DNAH14: variants seen among roughly 807,000 people sequenced by gnomAD.
The protein encoded by DNAH14 is axonemal beta dynein heavy chain 14.
A neutral mutation model predicts 520.9 loss-of-function variants in DNAH14; 478 were observed. The ratio of observed to expected loss-of-function variants is 0.92; its 90% CI spans 0.85 to 0.99. The LOEUF (loss-of-function observed/expected upper bound fraction) is 0.99, where lower values mean the gene tolerates loss of function less well. DNAH14 is among the 50% of genes least tolerant of loss of function. The pLI is 0.00. For missense variants in DNAH14, 4,831 were observed against 5,234.5 expected (o/e 0.92, Z 2.38); for synonymous variants, 1,581 against 1,757.2 (o/e 0.90, Z 2.51).
chr1:225,314,156 C>T (rs1025665659), intron 60 of DNAH14, among the ~76,000 whole-genome samples: 2 of 152,194 alleles, frequency 1.3e-5, no homozygotes, highest in Non-Finnish European at 2.9e-5. Context: ...GGATAGTTAG[C>T]TCTTCTTGCT....
chr1:225,048,793 C>G (rs985143947), intron 15 of DNAH14, among the ~76,000 whole-genome samples: 1 of 152,022 alleles, frequency 6.6e-6, no homozygotes, highest in African/African-American at 2.4e-5. Flanking sequence ...GACTGTTTTG[C>G]AAAGTGGTTG....
At chr1:224,953,526 A>G (rs1305003881) in intron 2 of DNAH14, among the ~76,000 whole-genome samples, 3 of 152,218 alleles carry the variant, frequency 2.0e-5, no homozygotes, top group Non-Finnish European at 4.4e-5. Flanking sequence ...AAATCTGATA[A>G]TCTTGACCTA....
chr1:225,248,563 T>C (rs1441331801), intron 43 of DNAH14, among the ~76,000 whole-genome samples: 2 of 152,178 alleles, frequency 1.3e-5, no homozygotes, highest in East Asian at 3.8e-4. Flanking sequence ...AATAATTACA[T>C]GTAATGCAAA....
intron 21 of DNAH14, among the ~76,000 whole-genome samples, chr1:225,094,674 AAAAACAACAAAACAAACAAAC>A (rs2074749240): frequency 4.0e-5 from 4 of 99,242 alleles, no homozygotes; most frequent in African/African-American, 3.2e-4. Flanking sequence ...AAAAAAAAAA[AAAAACAACAAAACAAACAAAC>A]AAAAAAACGC....
At chr1:225,367,007 A>G (rs1356893650) in intron 76 of DNAH14, among the ~76,000 whole-genome samples, 2 of 20,954 alleles carry the variant, frequency 9.5e-5, no homozygotes, top group Non-Finnish European at 9.3e-5. Context: ...TCTCATGTTC[A>G]TACACACACA....
intron 17 of DNAH14, among the ~76,000 whole-genome samples, chr1:225,062,272 A>G (rs1210577472): frequency 2.0e-5 from 3 of 152,156 alleles, no homozygotes; most frequent in East Asian, 1.9e-4. Context: ...GCACTCCAGC[A>G]TGGTCAACAG....
At chr1:225,248,785 A>C (rs1439380296) in intron 43 of DNAH14, among the ~76,000 whole-genome samples, 2 of 152,204 alleles carry the variant, frequency 1.3e-5, no homozygotes, top group Admixed American at 1.3e-4. Flanking sequence ...TAGAGTTACT[A>C]TAACTAGGGA....
At chr1:224,985,619 G>C (rs11804750) in intron 8 of DNAH14, among the ~76,000 whole-genome samples, 1 of 151,830 alleles carries the variant, frequency 6.6e-6, no homozygotes, top group African/African-American at 2.4e-5. Context: ...TCAAAACATA[G>C]AATTAAGAAA....
At chr1:225,017,542 G>C (rs757005458) in intron 10 of DNAH14, among the ~76,000 whole-genome samples, 1 of 152,158 alleles carries the variant, frequency 6.6e-6, no homozygotes, top group East Asian at 1.9e-4. Context: ...CCCACCTGGG[G>C]TGCTCATGCT....
At chr1:225,163,357 C>T (rs1277235342) in intron 35 of DNAH14, among the ~76,000 whole-genome samples, 1 of 152,026 alleles carries the variant, frequency 6.6e-6, no homozygotes, top group East Asian at 1.9e-4. Flanking sequence ...ATTTCTTTCT[C>T]TTGTCTGATT....
intron 27 of DNAH14, among the ~76,000 whole-genome samples, chr1:225,127,327 T>G (rs1457583539): frequency 4.0e-5 from 6 of 151,702 alleles, no homozygotes; most frequent in African/African-American, 1.2e-4. Flanking sequence ...CTCCCATTAT[T>G]ATTGTGTGGG....
intron 38 of DNAH14, among the ~76,000 whole-genome samples, chr1:225,203,111 C>T (rs192720377): frequency 5.2e-4 from 79 of 152,216 alleles, no homozygotes; most frequent in Admixed American, 5.0e-3. Context: ...TGGGTTCTCT[C>T]GGCTTTCCTG....
chr1:225,138,247 G>A (rs1211519166), intron 27 of DNAH14, among the ~76,000 whole-genome samples: 1 of 152,196 alleles, frequency 6.6e-6, no homozygotes, highest in Non-Finnish European at 1.5e-5. Flanking sequence ...ACTGTGGGGG[G>A]CCCCTCCTTG....
intron 27 of DNAH14, among the ~76,000 whole-genome samples, chr1:225,130,924 G>C (rs2078343411): frequency 6.6e-6 from 1 of 152,142 alleles, no homozygotes; most frequent in African/African-American, 2.4e-5. Context: ...TAAGTATTTA[G>C]TTTGTGGCTA....
At chr1:225,026,631 T>C (rs961634281) in intron 11 of DNAH14, among the ~76,000 whole-genome samples, 9 of 152,218 alleles carry the variant, frequency 5.9e-5, no homozygotes, top group Admixed American at 3.9e-4. Flanking sequence ...TCTGTCCTTA[T>C]GCCAGTACCA....
At chr1:225,030,973 A>G (rs574537749) in intron 11 of DNAH14, among the ~76,000 whole-genome samples, 1 of 152,136 alleles carries the variant, frequency 6.6e-6, no homozygotes, top group East Asian at 1.9e-4. Flanking sequence ...GGGAGAATTG[A>G]CATCTTAACA....
chr1:225,145,821 A>C (rs2079879093), intron 30 of DNAH14, among the ~76,000 whole-genome samples: 1 of 152,238 alleles, frequency 6.6e-6, no homozygotes, highest in Non-Finnish European at 1.5e-5. Flanking sequence ...AATGATTACA[A>C]GTTTGTCAGT....
intron 20 of DNAH14, among the ~76,000 whole-genome samples, chr1:225,084,252 C>T (rs2073478071): frequency 6.6e-6 from 1 of 152,022 alleles, no homozygotes; most frequent in South Asian, 2.1e-4. Context: ...AGGAGGCAAT[C>T]AGCTGGTAAT....
At chr1:225,313,700 C>G (rs1190682953) in intron 60 of DNAH14, among the ~76,000 whole-genome samples, 1 of 152,002 alleles carries the variant, frequency 6.6e-6, no homozygotes, top group East Asian at 1.9e-4. Flanking sequence ...CATTATTTAC[C>G]CAGTAGTCAT....
Sources: gnomAD v4.1 joint callset for allele counts (sites outside exome capture counted in the v4.1 genomes callset) on GRCh38, gnomAD v4.1.1 for gene constraint, MANE v1.5 for transcripts, NCBI Gene and HGNC (gene_info 2026-07-23, HGNC 2026-07-21) for gene names.